CHN2: variants seen among roughly 807,000 people sequenced by gnomAD.
CHN2 encodes chimerin 2, also known as beta-chimaerin.
CHN2 carries 35 observed loss-of-function variants against 56.3 expected under a neutral mutation model. That is an observed-to-expected ratio of 0.62 (90% CI 0.47 to 0.82). The LOEUF is 0.82. CHN2 is among the 40% of genes least tolerant of loss of function. The pLI, the probability that CHN2 is intolerant of heterozygous loss-of-function variation, is 0.00. For missense variants in CHN2, 491 were observed against 580.5 expected (o/e 0.85, Z 1.58); for synonymous variants, 210 against 212.8 (o/e 0.99, Z 0.12).
intron 3 of CHN2, among the ~76,000 whole-genome samples, chr7:29,387,157 A>G (rs1228896032): frequency 1.3e-5 from 2 of 152,180 alleles, no homozygotes; most frequent in Non-Finnish European, 1.5e-5. Flanking sequence ...AACCCTCAGG[A>G]CTCTGCCTGG....
chr7:29,501,564 A>G, intron 9 of CHN2, among the ~76,000 whole-genome samples: 1 of 152,176 alleles, frequency 6.6e-6, no homozygotes, highest in East Asian at 1.9e-4. Flanking sequence ...ACATTTAAGA[A>G]TAGGGGGCAC....
At chr7:29,437,411 A>G (rs1339600030) in intron 6 of CHN2, among the ~76,000 whole-genome samples, 7 of 92,658 alleles carry the variant, frequency 7.6e-5, no homozygotes, top group Admixed American at 6.8e-4. Context: ...ATCCTGGCTA[A>G]CACGGTGAAA....
At chr7:29,204,401 G>T (rs1784382390) in intron 1 of CHN2, among the ~76,000 whole-genome samples, 1 of 151,962 alleles carries the variant, frequency 6.6e-6, no homozygotes, top group African/African-American at 2.4e-5. Flanking sequence ...ACATAATTTG[G>T]CTGCCTAATA....
chr7:29,238,015 C>CCTTTTTT (rs1787333728), intron 1 of CHN2, among the ~76,000 whole-genome samples: 7 of 106,004 alleles, frequency 6.6e-5, no homozygotes, highest in Non-Finnish European at 1.3e-4. Flanking sequence ...TATGTATTCT[C>CCTTTTTT]TTTTTTTTTT....
At chr7:29,358,066 A>G (rs905269138) in intron 2 of CHN2, among the ~76,000 whole-genome samples, 3 of 152,188 alleles carry the variant, frequency 2.0e-5, no homozygotes, top group African/African-American at 4.8e-5. Flanking sequence ...GAGACAGTAT[A>G]TTTTTGCCAT....
chr7:29,488,363 T>G (rs1788277288), intron 7 of CHN2, among the ~76,000 whole-genome samples: 1 of 152,164 alleles, frequency 6.6e-6, no homozygotes, highest in Admixed American at 6.5e-5. Flanking sequence ...TTGGCAGAGA[T>G]CTGGAAGCCT....
At chr7:29,480,198 C>A in intron 6 of CHN2, 81 bp from the exon 7 acceptor site, 1 of 1,612,942 alleles carries the variant, frequency 6.2e-7, no homozygotes, top group Middle Eastern at 1.6e-4. Flanking sequence ...CCAAGAACTG[C>A]TGGCCGTAGC....
intron 1 of CHN2, among the ~76,000 whole-genome samples, chr7:29,333,529 A>G (rs1287722232): frequency 6.6e-6 from 1 of 152,228 alleles, no homozygotes; most frequent in African/African-American, 2.4e-5. Flanking sequence ...GATTGCTTTA[A>G]GTTAGCCCAT....
intron 6 of CHN2, among the ~76,000 whole-genome samples, chr7:29,476,561 T>TA (rs34518690): frequency 1.0e-4 from 15 of 149,136 alleles, no homozygotes; most frequent in South Asian, 4.2e-4. Context: ...CAATAAAAAT[T>TA]AAAAAAAAAA....
At chr7:29,181,167 G>T (rs962972128) in intron 2 of CHN2, 1 of 152,178 alleles carries the variant, frequency 6.6e-6, no homozygotes, top group Non-Finnish European at 1.5e-5. Context: ...GTTCTGGAAT[G>T]AATATAAATT....
intron 3 of CHN2, among the ~76,000 whole-genome samples, chr7:29,372,807 A>C (rs567520646): frequency 6.6e-6 from 1 of 152,318 alleles, no homozygotes; most frequent in East Asian, 1.9e-4. Context: ...AAAAGGCCAA[A>C]ATGGCAAGAT....
intron 6 of CHN2, among the ~76,000 whole-genome samples, chr7:29,473,714 G>T (rs1401212612): frequency 6.6e-6 from 1 of 151,968 alleles, no homozygotes; most frequent in Non-Finnish European, 1.5e-5. Context: ...TCTGATGCCT[G>T]CAGGTATAAG....
chr7:29,302,308 TCTC>T (rs1330143689), intron 1 of CHN2, among the ~76,000 whole-genome samples: 1 of 148,398 alleles, frequency 6.7e-6, no homozygotes, highest in Non-Finnish European at 1.5e-5. Flanking sequence ...TCTTCCTTCT[TCTC>T]CTTCCTTCCT....
intron 6 of CHN2, among the ~76,000 whole-genome samples, chr7:29,436,644 C>A (rs1585387308): frequency 6.6e-6 from 1 of 152,024 alleles, no homozygotes; most frequent in Non-Finnish European, 1.5e-5. Flanking sequence ...GTGACACCCC[C>A]CAAAAAAGTA....
Position 29,273,341 on chromosome 7 carries a change from G to GTGTA in CHN2, c.49+78353_49+78356dup, listed in dbSNP as rs1349210154. The stretch of plus-strand genomic sequence containing the variant: ...TTCCATCATGCATATATATATATAT[G>GTGTA]TGTATATATATATATATATATATAT... On this transcript the variant is annotated intron_variant, in intron 1 of 12. Coordinates refer to ENST00000222792, the MANE Select transcript of CHN2 (RefSeq NM_004067.4). 4.5e-3 allele frequency among the ~76,000 whole-genome samples: 346 copies of GTGTA among 76,498 alleles called. 3 individuals carry two copies. Among genetic ancestry groups the GTGTA allele is most frequent in the Non-Finnish European group, 6.7e-3 (242 of 35,930 alleles). The allele number at this position is 76,498 out of a possible 152,430, so 50.2% of individuals were successfully genotyped here.
At chr7:29,276,624 C>A (rs1034589351) in intron 1 of CHN2, among the ~76,000 whole-genome samples, 2 of 152,316 alleles carry the variant, frequency 1.3e-5, no homozygotes, top group East Asian at 1.9e-4. Flanking sequence ...TAAGAAATTG[C>A]ATGTAAATAA....
chr7:29,427,339 C>A (rs1021600211), intron 6 of CHN2, among the ~76,000 whole-genome samples: 2 of 152,052 alleles, frequency 1.3e-5, no homozygotes, highest in African/African-American at 2.4e-5. Flanking sequence ...ATAAAGGATT[C>A]ATGATTATCC....
chr7:29,492,756 T>A (rs1476267173), intron 7 of CHN2, among the ~76,000 whole-genome samples: 1 of 152,228 alleles, frequency 6.6e-6, no homozygotes, highest in Non-Finnish European at 1.5e-5. Context: ...GAGTCTTACT[T>A]CTACCCTCAG....
At chr7:29,230,375 C>T (rs1786578083) in intron 1 of CHN2, among the ~76,000 whole-genome samples, 1 of 152,164 alleles carries the variant, frequency 6.6e-6, no homozygotes, top group Admixed American at 6.5e-5. Context: ...GAGTCTCGCT[C>T]TGTCTTCTAG....
Sources: gnomAD v4.1 joint callset for allele counts (sites outside exome capture counted in the v4.1 genomes callset) on GRCh38, gnomAD v4.1.1 for gene constraint, MANE v1.5 for transcripts, NCBI Gene and HGNC (gene_info 2026-07-23, HGNC 2026-07-21) for gene names.